Variants in HDC observed in about 807,000 individuals in gnomAD.
The protein encoded by HDC is histidine decarboxylase.
A neutral mutation model predicts 64.4 loss-of-function variants in HDC; 27 were observed. That is an observed-to-expected ratio of 0.42 (90% CI 0.31 to 0.58). The LOEUF (loss-of-function observed/expected upper bound fraction) is 0.58. Among genes scored for constraint, HDC ranks in the 20% least tolerant of loss-of-function variants. HDC has a pLI of 0.16. For synonymous variants in HDC, 305 were observed against 314.2 expected, an observed-to-expected ratio of 0.97 and a Z score of 0.31; for missense variants, 711 against 833.9, an observed-to-expected ratio of 0.85 and a Z score of 1.81.
chr15:50,261,431 C>CA (rs1427360894), intron 2 of HDC, among the ~76,000 whole-genome samples: 1 of 151,926 alleles, frequency 6.6e-6, no homozygotes, highest in Non-Finnish European at 1.5e-5. Flanking sequence ...TTGACATTTT[C>CA]AAAAAATGCT....
Position 50,253,637 on chromosome 15 carries a change from G to C in HDC, c.750C>G (p.Val250=). 6.2e-7 allele frequency: 1 copy of C among 1,613,710 alleles called. No homozygotes were observed. The highest frequency in any genetic ancestry group is 8.5e-7 in the Non-Finnish European group (1 of 1,180,006). ...FVCATLGTTG[V]CAFDCLSELG... Reference sequence around the variant, plus strand: ...GCTCTGACAGGCAGTCAAATGCACAGACCCCAGTGGTCCCTAGTGTTGCAC... The same window carrying C: ...GCTCTGACAGGCAGTCAAATGCACACACCCCAGTGGTCCCTAGTGTTGCAC... Residue 250 remains valine (V), a synonymous_variant, in exon 7 of 12, where the codon GTC becomes GTG. Transcript: ENST00000267845.
chr15:50,251,444 A>C (rs2045552893), intron 9 of HDC, among the ~76,000 whole-genome samples: 1 of 152,240 alleles, frequency 6.6e-6, no homozygotes, highest in African/African-American at 2.4e-5. Context: ...AGCAAGGCTC[A>C]GAGAGGTCCA....
At chr15:50,254,318 T>A (rs1246050209) in intron 5 of HDC, 45 bp from the exon 6 acceptor site, 1 of 1,611,322 alleles carries the variant, frequency 6.2e-7, no homozygotes, top group South Asian at 1.1e-5. Context: ...CATCCTGGAA[T>A]GATCACCCCC....
chr15:50,262,745 C>T (rs1003553283), intron 2 of HDC, among the ~76,000 whole-genome samples: 1 of 152,202 alleles, frequency 6.6e-6, no homozygotes, highest in Non-Finnish European at 1.5e-5. Context: ...AACCTGGTCA[C>T]CAGCGTGTCC....
intron 10 of HDC, among the ~76,000 whole-genome samples, chr15:50,246,866 A>G (rs1421773615): frequency 2.0e-5 from 3 of 152,220 alleles, no homozygotes; most frequent in Non-Finnish European, 4.4e-5. Context: ...AAAGTTCCTC[A>G]ATATTGTTGG....
intron 2 of HDC, 50 bp downstream of exon 2, chr15:50,263,185 C>A (rs370649975): frequency 1.6e-5 from 25 of 1,588,300 alleles, no homozygotes; most frequent in Admixed American, 1.0e-4. Context: ...CACCACCCAC[C>A]CTTCTGTGCC....
At chr15:50,265,429 C>G (rs1363454225) in intron 1 of HDC, among the ~76,000 whole-genome samples, 164 bp downstream of exon 1, 1 of 151,938 alleles carries the variant, frequency 6.6e-6, no homozygotes, top group Non-Finnish European at 1.5e-5. Flanking sequence ...ACACTCTGAT[C>G]CCACATTCCT....
chr15:50,243,716 C>T (rs951078705), intron 10 of HDC, among the ~76,000 whole-genome samples: 5 of 152,218 alleles, frequency 3.3e-5, no homozygotes, highest in African/African-American at 9.6e-5. Flanking sequence ...GGCGGCCCTG[C>T]CCCATCCTAA....
Sources: allele counts gnomAD v4.1 joint callset (sites outside exome capture counted in the v4.1 genomes callset), GRCh38; gene constraint gnomAD v4.1.1; transcripts MANE v1.5; gene names NCBI Gene and HGNC (gene_info 2026-07-23, HGNC 2026-07-21).